The following PPM1L variants were observed in gnomAD, a reference collection of about 807,000 sequenced individuals.
PPM1L encodes protein phosphatase 1L.
PPM1L carries 13 observed loss-of-function variants against 31.4 expected under a neutral mutation model. The observed-to-expected ratio is 0.41, with a 90% CI of 0.27 to 0.66. PPM1L has a LOEUF of 0.66. Ranked by LOEUF, PPM1L falls within the 30% of genes least tolerant of loss-of-function variation. PPM1L has a pLI of 0.29. For missense variants in PPM1L, 326 were observed against 453.7 expected (o/e 0.72, Z 2.56); for synonymous variants, 184 against 175.4 (o/e 1.05, Z -0.39).
At chr3:160,943,198 C>T (rs551297199) in intron 1 of PPM1L, among the ~76,000 whole-genome samples, 27 of 152,170 alleles carry the variant, frequency 1.8e-4, no homozygotes, top group Non-Finnish European at 3.2e-4. Flanking sequence ...GGAAACCAAA[C>T]TCATATGCAG....
chr3:160,986,096 T>C (rs1467048446), intron 2 of PPM1L, among the ~76,000 whole-genome samples: 1 of 152,190 alleles, frequency 6.6e-6, no homozygotes, highest in African/African-American at 2.4e-5. Context: ...TAGCAAATAA[T>C]AAAACTGTCT....
At chr3:160,858,696 G>T (rs1256283893) in intron 1 of PPM1L, among the ~76,000 whole-genome samples, 1 of 152,108 alleles carries the variant, frequency 6.6e-6, no homozygotes, top group Admixed American at 6.6e-5. Context: ...CTAAAACAAT[G>T]AAGCACAGGT....
intron 2 of PPM1L, among the ~76,000 whole-genome samples, chr3:161,045,871 C>T (rs563614138): frequency 4.8e-4 from 73 of 151,366 alleles, no homozygotes; most frequent in African/African-American, 1.7e-3. Context: ...CAGCACTTTG[C>T]GAGGCTGAGG....
chr3:160,800,667 C>T (rs1356157815), intron 1 of PPM1L, among the ~76,000 whole-genome samples: 2 of 152,078 alleles, frequency 1.3e-5, no homozygotes, highest in Non-Finnish European at 2.9e-5. Context: ...ATTACACTTG[C>T]AAGCCAGGTG....
intron 1 of PPM1L, among the ~76,000 whole-genome samples, chr3:160,812,764 G>A (rs578044652): frequency 1.3e-5 from 2 of 152,286 alleles, no homozygotes; most frequent in Admixed American, 1.3e-4. Context: ...ACATCAGGGA[G>A]GGGGGCAGCT....
At chr3:160,849,377 C>A (rs544513463) in intron 1 of PPM1L, among the ~76,000 whole-genome samples, 1 of 152,098 alleles carries the variant, frequency 6.6e-6, no homozygotes, top group African/African-American at 2.4e-5. Context: ...TCTGGCATGG[C>A]CAGGAGACCT....
chr3:160,774,874 A>G (rs1275504728), intron 1 of PPM1L, among the ~76,000 whole-genome samples: 1 of 152,102 alleles, frequency 6.6e-6, no homozygotes, highest in Non-Finnish European at 1.5e-5. Flanking sequence ...TTCCTCTCCA[A>G]CCAGGGTTCA....
chr3:160,808,289 CTGTGTGTGTGTGTGTG>C (rs10545216), intron 1 of PPM1L, among the ~76,000 whole-genome samples: 1 of 136,128 alleles, frequency 7.3e-6, no homozygotes, highest in East Asian at 2.2e-4. Context: ...GGATTTTCCT[CTGTGTGTGTGTGTGTG>C]TGTGTGTGTG....
chr3:160,978,316 A>T (rs927910122), intron 2 of PPM1L, among the ~76,000 whole-genome samples: 8 of 152,170 alleles, frequency 5.3e-5, no homozygotes, highest in Non-Finnish European at 7.3e-5. Context: ...GGCATCAGGG[A>T]ATCTCCAGGG....
intron 1 of PPM1L, among the ~76,000 whole-genome samples, chr3:160,801,128 T>TATACAC (rs1208292425): frequency 6.9e-6 from 1 of 145,590 alleles, no homozygotes; most frequent in African/African-American, 2.5e-5. Context: ...TGTTTAGTGA[T>TATACAC]ACACACACAC....
chr3:160,957,716 A>G (rs1192623734), intron 1 of PPM1L, among the ~76,000 whole-genome samples: 2 of 151,586 alleles, frequency 1.3e-5, no homozygotes, highest in South Asian at 2.1e-4. Flanking sequence ...AGCTGGGACT[A>G]CAGGTGCCCG....
rs1191834682 is a variant in PPM1L, at chr3:160,810,511, CT to C, written c.399+53809del. Among the ~76,000 whole-genome samples the C allele has an allele frequency of 2.0e-3, 308 of 152,282 alleles. 6 individuals carry two copies. Among genetic ancestry groups the C allele is most frequent in the Non-Finnish European group, 8.2e-4 (56 of 68,030 alleles). On this transcript the variant is annotated intron_variant, in intron 1 of 3. Transcript: ENST00000498165. ...TAAATTGGTCCCTGGTGGCCACCTTCTTTTTCCACTCTGTAGTTACCAAGCA... is the reference window on the plus strand; with the variant it reads ...TAAATTGGTCCCTGGTGGCCACCTTCTTTTCCACTCTGTAGTTACCAAGCA...
In PPM1L at chr3:160,835,076, C is replaced by CTTT. The variant is rs1560120572; in HGVS notation, c.399+78371_399+78372insTTT. Among the ~76,000 whole-genome samples, 592 of 143,100 alleles carry CTTT rather than the reference C, an allele frequency of 4.1e-3. 10 individuals carry two copies. The highest frequency in any genetic ancestry group is 0.015 in the African/African-American group (564 of 38,732). The allele number at this position is 143,100 out of a possible 152,430, so 93.9% of individuals were successfully genotyped here. ...TCTTCTTCTTCTTCTTCTTCTTCTT[C>CTTT]TTCTTCTTCTTTCTTTTTTCTTTCT... On this transcript the variant is annotated intron_variant, in intron 1 of 3. Coordinates refer to ENST00000498165, the MANE Select transcript of PPM1L (RefSeq NM_139245.4).
chr3:160,910,259 T>TTCCCCTTCCCCC (rs71147392), intron 1 of PPM1L, among the ~76,000 whole-genome samples: 1 of 50,050 alleles, frequency 2.0e-5, no homozygotes, highest in Non-Finnish European at 3.4e-5. Context: ...CCCCTTCCCC[T>TTCCCCTTCCCCC]TTCCCCTTCC....
In PPM1L at chr3:160,977,295, T is replaced by C. The variant is rs776034536; in HGVS notation, c.574+15385T>C. 2.2e-3 allele frequency among the ~76,000 whole-genome samples: 331 copies of C among 152,314 alleles called. 1 individual carries two copies. The highest frequency in any genetic ancestry group is 8.7e-4 in the Non-Finnish European group (59 of 68,022). On this transcript the variant is annotated intron_variant, in intron 2 of 3. Transcript: ENST00000498165. Reference sequence around the variant, plus strand: ...CTCCTGGATGTGCTCTTTAGTTCTTTAATCAATCCTAGGGAATTCTAAATT... The same window carrying C: ...CTCCTGGATGTGCTCTTTAGTTCTTCAATCAATCCTAGGGAATTCTAAATT...
chr3:161,026,352 G>A lies in PPM1L; in HGVS notation c.575-39051G>A, dbSNP rs147724535. ...TCCACAGCTGCTGAGGAAGAGCTGG[G>A]AAGACCTCTCAGAAGAGGTAACATC... On this transcript the variant is annotated intron_variant, in intron 2 of 3. Coordinates refer to ENST00000498165, the MANE Select transcript of PPM1L (RefSeq NM_139245.4). Among the ~76,000 whole-genome samples, 246 of 152,290 alleles carry A rather than the reference G, an allele frequency of 1.6e-3. 1 individual carries two copies. The highest frequency in any genetic ancestry group is 6.8e-3 in the Middle Eastern group (2 of 294).
Position 161,047,884 on chromosome 3 carries a change from A to C in PPM1L, c.575-17519A>C, listed in dbSNP as rs575207143. Among the ~76,000 whole-genome samples the C allele has an allele frequency of 6.6e-5, 10 of 152,366 alleles. No individual in the cohort carries two copies. The East Asian group carries it at 1.9e-3, about 29-fold the overall frequency. On this transcript the variant is annotated intron_variant, in intron 2 of 3. Transcript: ENST00000498165. The stretch of plus-strand genomic sequence containing the variant: ...GGTGTTGGGAAAACTGGCTAGCCAT[A>C]TGTAGAAAGCTGAAACTGGATCCCT...
At chr3:160,965,095 C>T (rs1311941613) in intron 2 of PPM1L, among the ~76,000 whole-genome samples, 1 of 151,400 alleles carries the variant, frequency 6.6e-6, no homozygotes, top group Admixed American at 6.6e-5. Flanking sequence ...ACTAAAAATA[C>T]AAAAAATTAG....
intron 2 of PPM1L, among the ~76,000 whole-genome samples, chr3:161,019,755 C>A (rs1377052414): frequency 6.6e-6 from 1 of 152,106 alleles, no homozygotes; most frequent in Non-Finnish European, 1.5e-5. Context: ...ACTAGGGTCA[C>A]AGTAATGCAT....
Sources: gnomAD v4.1 joint callset for allele counts (sites outside exome capture counted in the v4.1 genomes callset) on GRCh38, gnomAD v4.1.1 for gene constraint, MANE v1.5 for transcripts, NCBI Gene and HGNC (gene_info 2026-07-23, HGNC 2026-07-21) for gene names.